Variants in ATRN observed in about 807,000 individuals in gnomAD.
ATRN encodes the protein attractin-2.
ATRN carries 54 observed loss-of-function variants against 178.7 expected under a neutral mutation model. The observed-to-expected ratio is 0.30, with a 90% confidence interval of 0.24 to 0.38. The LOEUF is 0.38. ATRN is among the 10% of genes least tolerant of loss of function. The pLI is 1.00. For missense variants in ATRN, 1,443 were observed against 1,815.1 expected (o/e 0.79, Z 3.73); for synonymous variants, 636 against 663.0 (o/e 0.96, Z 0.63).
chr20:3,521,565 G>A (rs1370080070), intron 1 of ATRN, among the ~76,000 whole-genome samples: 1 of 152,158 alleles, frequency 6.6e-6, no homozygotes, highest in Non-Finnish European at 1.5e-5. Flanking sequence ...TTCAACATTT[G>A]CCTTTCAATA....
At chr20:3,576,765 C>T in intron 13 of ATRN, 94 bp from the exon 14 acceptor site, 1 of 1,286,500 alleles carries the variant, frequency 7.8e-7, no homozygotes, top group Non-Finnish European at 1.1e-6. Context: ...TTTGCTTCCT[C>T]AATTAGATTT....
rs573474915 is a variant in ATRN at position 3,576,875 on chromosome 20, A to G, written c.2231A>G (p.Tyr744Cys). 18 of 1,614,092 alleles carry G rather than the reference A, an allele frequency of 1.1e-5. No homozygotes were observed. In the African/African-American group the frequency reaches 2.0e-4, roughly 18 times the overall value. ...CSEGQISIFR[Y>C]ENCPKDNPMY... ...GTGTTCTAGATCTCCATTTTTAGGT[A>G]TGAGAATTGCCCCAAGGATAACCCC... The change falls in exon 14 of 29, where the codon TAT becomes TGT. Residue 744 changes from tyrosine (Y) to cysteine (C), a missense_variant. By Grantham distance (194) the Tyr-to-Cys change is radical. Coordinates refer to ENST00000262919, the MANE Select transcript of ATRN (RefSeq NM_139321.3).
At chr20:3,550,524 G>A (rs1171020642) in intron 6 of ATRN, among the ~76,000 whole-genome samples, 2 of 152,176 alleles carry the variant, frequency 1.3e-5, no homozygotes, top group Non-Finnish European at 2.9e-5. Flanking sequence ...TCCTGCAGTG[G>A]TCAGGTCAGG....
chr20:3,594,831 G>A (rs567473901), intron 20 of ATRN, among the ~76,000 whole-genome samples: 1 of 152,124 alleles, frequency 6.6e-6, no homozygotes, highest in Non-Finnish European at 1.5e-5. Context: ...CATTTCCTGG[G>A]TTGTCCATTT....
intron 8 of ATRN, 77 bp from the exon 9 acceptor site, chr20:3,562,199 C>G (rs1600108512): frequency 1.6e-6 from 2 of 1,274,364 alleles, no homozygotes; most frequent in South Asian, 2.8e-5. Context: ...ATTCTCATGC[C>G]CTAAGCTCTT....
Position 3,575,807 on chromosome 20 carries a change from A to C in ATRN, c.2093-20A>C. 2 of 1,593,454 alleles carry C rather than the reference A, an allele frequency of 1.3e-6. No individual in the cohort carries two copies. Among genetic ancestry groups the C allele is most frequent in the Non-Finnish European group, 1.7e-6 (2 of 1,169,778 alleles). On this transcript the variant is annotated intron_variant, in intron 12 of 28. Transcript: ENST00000262919. ...TCAATTGAAGTTGTCCCAGTTCATG[A>C]GATTTTGTTTTCTTTGCAGCTCTTG...
chr20:3,615,902 G>C, intron 24 of ATRN: 1 of 445,004 alleles, frequency 2.2e-6, no homozygotes, highest in South Asian at 1.6e-5. Flanking sequence ...GTGGGGTGGG[G>C]GGAAGGGGAA....
chr20:3,601,229 A>C (rs1050885836), intron 23 of ATRN, among the ~76,000 whole-genome samples: 3 of 152,190 alleles, frequency 2.0e-5, no homozygotes, highest in African/African-American at 7.2e-5. Flanking sequence ...GAGGATAATG[A>C]TACTTACCTC....
chr20:3,507,969 C>G lies in ATRN; in HGVS notation c.411-27284C>G, dbSNP rs554680244. 1.7e-3 allele frequency among the ~76,000 whole-genome samples: 266 copies of G among 152,056 alleles called. 1 individual carries two copies. The highest frequency in any genetic ancestry group is 6.2e-3 in the African/African-American group (256 of 41,482). ...CCACCCGTCTCGGCCTCCCAAAGTG[C>G]TAGGATTACAGACATGAGCCACCGC... On this transcript the variant is annotated intron_variant, in intron 1 of 28. Transcript: ENST00000262919.
chr20:3,571,945 G>T (rs1212315092), intron 11 of ATRN, among the ~76,000 whole-genome samples: 1 of 151,658 alleles, frequency 6.6e-6, no homozygotes, highest in African/African-American at 2.4e-5. Context: ...TGTGTGTTTT[G>T]TTTTTCTCAG....
chr20:3,598,048 C>G (rs1277556218), intron 22 of ATRN, 48 bp downstream of exon 22: 1 of 1,275,914 alleles, frequency 7.8e-7, no homozygotes, highest in Non-Finnish European at 1.1e-6. Context: ...TTGTATGGAT[C>G]TTTTTCTTGG....
At chr20:3,623,242 CAAG>C (rs1231054441) in intron 24 of ATRN, among the ~76,000 whole-genome samples, 2 of 152,122 alleles carry the variant, frequency 1.3e-5, no homozygotes, top group Admixed American at 6.5e-5. Context: ...TTCCTTCTCT[CAAG>C]GAGCTAGGAC....
chr20:3,609,746 G>GTGTA (rs1451810248), intron 24 of ATRN, among the ~76,000 whole-genome samples: 3 of 149,796 alleles, frequency 2.0e-5, no homozygotes, highest in Non-Finnish European at 4.4e-5. Context: ...GTGTGTGTGT[G>GTGTA]TGTGTATAAA....
chr20:3,615,199 C>T (rs540238979), intron 24 of ATRN, among the ~76,000 whole-genome samples: 33 of 152,150 alleles, frequency 2.2e-4, no homozygotes, highest in African/African-American at 6.5e-4. Context: ...GAGGCCGAGG[C>T]GGGCAGATCG....
chr20:3,641,011 A>C (rs1266795042), intron 27 of ATRN, among the ~76,000 whole-genome samples: 1 of 152,232 alleles, frequency 6.6e-6, no homozygotes, highest in Non-Finnish European at 1.5e-5. Context: ...AGTAACAAAA[A>C]AATAAACATT....
At chr20:3,621,120 C>T (rs1369732472) in intron 24 of ATRN, among the ~76,000 whole-genome samples, 3 of 152,134 alleles carry the variant, frequency 2.0e-5, no homozygotes, top group Admixed American at 6.5e-5. Context: ...AATTATCACA[C>T]GCCCTGAGAG....
intron 1 of ATRN, chr20:3,490,555 G>C (rs1372288685): frequency 9.9e-6 from 11 of 1,106,380 alleles, no homozygotes; most frequent in African/African-American, 1.5e-5. Flanking sequence ...CAGCTTCTCA[G>C]ATGCCTTCAC....
intron 24 of ATRN, among the ~76,000 whole-genome samples, chr20:3,609,736 G>GTA (rs1258890503): frequency 1.3e-5 from 2 of 150,216 alleles, no homozygotes; most frequent in Non-Finnish European, 2.9e-5. Flanking sequence ...GTGTGTGTGT[G>GTA]TGTGTGTGTG....
chr20:3,544,894 G>A (rs182896635), intron 3 of ATRN, among the ~76,000 whole-genome samples: 1 of 151,214 alleles, frequency 6.6e-6, no homozygotes, highest in African/African-American at 2.4e-5. Context: ...GGTTGTGAGT[G>A]AGGTCTTAAG....
Sources: allele counts gnomAD v4.1 joint callset (sites outside exome capture counted in the v4.1 genomes callset), GRCh38; gene constraint gnomAD v4.1.1; transcripts MANE v1.5; gene names NCBI Gene and HGNC (gene_info 2026-07-23, HGNC 2026-07-21).